Variants in ANKRD12 observed in about 807,000 individuals in gnomAD.
The protein encoded by ANKRD12 is ankyrin repeat domain 12, also known as ankyrin repeat domain-containing protein 12.
ANKRD12 carries 85 observed loss-of-function variants against 183.4 expected under a neutral mutation model. That is an observed-to-expected ratio of 0.46 (90% CI 0.39 to 0.56). The LOEUF is 0.56. Among genes scored for constraint, ANKRD12 ranks in the 20% least tolerant of loss-of-function variants. ANKRD12 has a pLI of 0.00. For synonymous variants in ANKRD12, 914 were observed against 800.2 expected, an observed-to-expected ratio of 1.14 and a Z score of -2.40; for missense variants, 2,405 against 2,357.1, an observed-to-expected ratio of 1.02 and a Z score of -0.42.
chr18:9,150,242 C>T (rs1000423087), intron 1 of ANKRD12, among the ~76,000 whole-genome samples: 1 of 152,110 alleles, frequency 6.6e-6, no homozygotes, highest in Non-Finnish European at 1.5e-5. Context: ...TTTCCCTATT[C>T]TGGATTTAGA....
At chr18:9,151,183 A>G (rs2078674007) in intron 1 of ANKRD12, among the ~76,000 whole-genome samples, 1 of 152,246 alleles carries the variant, frequency 6.6e-6, no homozygotes, top group Admixed American at 6.5e-5. Flanking sequence ...ATATCTCAGA[A>G]GCACAACTAT....
chr18:9,172,302 T>C (rs915469411), intron 1 of ANKRD12, among the ~76,000 whole-genome samples: 5 of 152,192 alleles, frequency 3.3e-5, no homozygotes, highest in African/African-American at 1.2e-4. Flanking sequence ...CTGGATGATA[T>C]CCTGAAGTAT....
chr18:9,255,914 AAAG>A lies in ANKRD12; in HGVS notation c.2651_2653del (p.Glu884del), dbSNP rs2038585399. 2 of 1,593,286 alleles carry A rather than the reference AAAG, an allele frequency of 1.3e-6. No homozygotes were observed. The highest frequency in any genetic ancestry group is 8.5e-7 in the Non-Finnish European group (1 of 1,174,676). ...TTCGCATCACACAGAAAAATGCCAT[AAAG>A]AAGGTGAGAAGAGCAAAAATACTGC... On this transcript the variant is annotated inframe_deletion, in exon 9 of 13. Transcript: ENST00000262126.
At chr18:9,215,327 A>AT (rs2036034365) in intron 6 of ANKRD12, among the ~76,000 whole-genome samples, 1 of 152,126 alleles carries the variant, frequency 6.6e-6, no homozygotes, top group African/African-American at 2.4e-5. Flanking sequence ...CTGAAGGGAA[A>AT]AGGTAAACCC....
intron 3 of ANKRD12, among the ~76,000 whole-genome samples, chr18:9,203,141 T>A (rs987836517): frequency 6.6e-6 from 1 of 152,238 alleles, no homozygotes; most frequent in Non-Finnish European, 1.5e-5. Context: ...GGTTGCTAAT[T>A]TAATGTATTC....
At chr18:9,231,824 C>CAAAA (rs60799678) in intron 8 of ANKRD12, among the ~76,000 whole-genome samples, 69 of 102,392 alleles carry the variant, frequency 6.7e-4, no homozygotes, top group African/African-American at 2.1e-3. Flanking sequence ...GACTCTGTCT[C>CAAAA]AAAAAAAAAA....
At chr18:9,202,503 T>C (rs1375168643) in intron 3 of ANKRD12, among the ~76,000 whole-genome samples, 2 of 152,214 alleles carry the variant, frequency 1.3e-5, no homozygotes, top group African/African-American at 4.8e-5. Context: ...TATTTCATTA[T>C]AAAAATTTCA....
rs895934215 is a variant in ANKRD12 at position 9,227,175 on chromosome 18, A to C, written c.943+5176A>C. On this transcript the variant is annotated intron_variant, in intron 8 of 12. Transcript: ENST00000262126. The stretch of plus-strand genomic sequence containing the variant: ...TTACACTCATATACTTTAGAAAAAG[A>C]TATGTAATATATATACATATATATA... 2.0e-5 allele frequency among the ~76,000 whole-genome samples: 3 copies of C among 152,270 alleles called. No individual in the cohort carries two copies. In the East Asian group the frequency reaches 5.8e-4, roughly 29 times the overall value.
rs1473980681 is a variant in ANKRD12, at chr18:9,256,766, G to T, written c.3499G>T (p.Val1167Phe). 6.2e-7 allele frequency: 1 copy of T among 1,613,906 alleles called. No homozygotes were observed. Among genetic ancestry groups the T allele is most frequent in the South Asian group, 1.1e-5 (1 of 91,036 alleles). Reference protein sequence around the residue: ...KDAVSNRSQSVDTKNVMTLGK... With the variant: ...KDAVSNRSQSFDTKNVMTLGK... Reference sequence around the variant, plus strand: ...TGCTGTAAGTAACAGATCACAATCTGTTGACACCAAAAATGTAATGACTTT... The same window carrying T: ...TGCTGTAAGTAACAGATCACAATCTTTTGACACCAAAAATGTAATGACTTT... The change falls in exon 9 of 13, where the codon GTT becomes TTT. Residue 1167 changes from valine (V) to phenylalanine (F), a missense_variant. Around this residue, in one of 7 missense-constraint regions of ANKRD12, gnomAD observed 1,983 missense variants for 1,725.9 expected, o/e 1.15. Transcript: ENST00000262126.
rs2039791310 is a variant in ANKRD12 at position 9,275,520 on chromosome 18, C to T, written c.5764-4C>T. Reference sequence around the variant, plus strand: ...TATTTTTTTTTAATTCTTTATTCAACTAGGAAAAACTCATTGTATCCAACG... The same window carrying T: ...TATTTTTTTTTAATTCTTTATTCAATTAGGAAAAACTCATTGTATCCAACG... On this transcript the variant is annotated splice_region_variant and splice_polypyrimidine_tract_variant and intron_variant, in intron 10 of 12. Transcript: ENST00000262126. 2 of 1,582,778 alleles carry T rather than the reference C, an allele frequency of 1.3e-6. No individual in the cohort carries two copies. The highest frequency in any genetic ancestry group is 1.7e-6 in the Non-Finnish European group (2 of 1,165,378).
At chr18:9,253,306 C>G (rs559245053) in intron 8 of ANKRD12, among the ~76,000 whole-genome samples, 6 of 152,276 alleles carry the variant, frequency 3.9e-5, no homozygotes, top group South Asian at 4.1e-4. Flanking sequence ...TTCTATCTAA[C>G]TGTATTTTTG....
At chr18:9,212,685 GC>G (rs149658598) in intron 6 of ANKRD12, among the ~76,000 whole-genome samples, 1 of 150,576 alleles carries the variant, frequency 6.6e-6, no homozygotes, top group East Asian at 1.9e-4. Flanking sequence ...AATGGAAATT[GC>G]CCCCCCCAAA....
At chr18:9,143,628 T>C (rs559677816) in intron 1 of ANKRD12, among the ~76,000 whole-genome samples, 1 of 152,056 alleles carries the variant, frequency 6.6e-6, no homozygotes, top group African/African-American at 2.4e-5. Context: ...GCCTGGCTAA[T>C]TTTTTGCATT....
intron 8 of ANKRD12, among the ~76,000 whole-genome samples, chr18:9,236,615 A>G (rs2037362068): frequency 6.6e-6 from 1 of 151,838 alleles, no homozygotes; most frequent in Non-Finnish European, 1.5e-5. Flanking sequence ...AAGAAAAGGT[A>G]AAAGACCTAA....
rs1157843101 is a variant in ANKRD12 at position 9,262,701 on chromosome 18, ATCC to A, written c.5665-1084_5665-1082del. ...GGTCTCAAACTCCTGGTCTCAAGCAATCCTCCTAGTCTCAAGCAATCCTACTTC... is the reference window on the plus strand; with the variant it reads ...GGTCTCAAACTCCTGGTCTCAAGCAATCCTAGTCTCAAGCAATCCTACTTC... On this transcript the variant is annotated intron_variant, in intron 9 of 12. Transcript: ENST00000262126. Among the ~76,000 whole-genome samples the A allele has an allele frequency of 1.1e-4, 17 of 150,004 alleles. No homozygotes were observed. In the East Asian group the frequency reaches 2.2e-3, roughly 19 times the overall value.
intron 2 of ANKRD12, among the ~76,000 whole-genome samples, chr18:9,182,819 A>G (rs1567888346): frequency 6.6e-6 from 1 of 152,074 alleles, no homozygotes; most frequent in Admixed American, 6.6e-5. Flanking sequence ...CTGTCTTTTT[A>G]TATCTATCCT....
intron 8 of ANKRD12, among the ~76,000 whole-genome samples, chr18:9,225,835 C>T (rs1375420272): frequency 1.3e-5 from 2 of 152,162 alleles, no homozygotes; most frequent in African/African-American, 4.8e-5. Flanking sequence ...TGTAGCAAAG[C>T]TCAAAGAATT....
At chr18:9,179,500 T>C (rs532357305) in intron 1 of ANKRD12, among the ~76,000 whole-genome samples, 14 of 152,204 alleles carry the variant, frequency 9.2e-5, no homozygotes, top group African/African-American at 3.4e-4. Flanking sequence ...ATTAATACAC[T>C]AAATTACATA....
chr18:9,140,801 C>T (rs187238982), intron 1 of ANKRD12, among the ~76,000 whole-genome samples: 1 of 151,958 alleles, frequency 6.6e-6, no homozygotes, highest in Non-Finnish European at 1.5e-5. Context: ...CATAGATTAT[C>T]GGAGTTTTTA....
Sources: gnomAD v4.1 joint callset for allele counts (sites outside exome capture counted in the v4.1 genomes callset) on GRCh38, gnomAD v4.1.1 for gene constraint, gnomAD v4.1.1 regional missense constraint, MANE v1.5 for transcripts, NCBI Gene and HGNC (gene_info 2026-07-23, HGNC 2026-07-21) for gene names.